Variants in TMTC2 observed in about 807,000 individuals in gnomAD.
The protein encoded by TMTC2 is protein O-mannosyl-transferase TMTC2.
A neutral mutation model predicts 82.4 loss-of-function variants in TMTC2; 43 were observed. The observed-to-expected ratio is 0.52, with a 90% confidence interval of 0.41 to 0.67. The LOEUF (loss-of-function observed/expected upper bound fraction) is 0.67. TMTC2 is among the 30% of genes least tolerant of loss of function. The probability of loss-of-function intolerance (pLI) is 0.00; values close to 1 mark genes in which losing one functional copy is unlikely to be tolerated. For synonymous variants in TMTC2, 408 were observed against 381.9 expected (o/e 1.07, Z -0.80); for missense variants, 919 against 1,012.4 (o/e 0.91, Z 1.25).
At chr12:83,030,099 T>C (rs1284994448) in intron 8 of TMTC2, among the ~76,000 whole-genome samples, 1 of 152,134 alleles carries the variant, frequency 6.6e-6, no homozygotes, top group Non-Finnish European at 1.5e-5. Context: ...GGCCTGTAAA[T>C]ATTTGGCCTG....
At chr12:82,886,391 A>C (rs1210072209) in intron 2 of TMTC2, among the ~76,000 whole-genome samples, 1 of 152,198 alleles carries the variant, frequency 6.6e-6, no homozygotes, top group African/African-American at 2.4e-5. Flanking sequence ...AGTATGATTA[A>C]ATGAGAGACT....
intron 1 of TMTC2, among the ~76,000 whole-genome samples, chr12:82,847,224 A>G (rs909164239): frequency 1.3e-5 from 2 of 152,208 alleles, no homozygotes; most frequent in African/African-American, 4.8e-5. Flanking sequence ...AATGAGTGCC[A>G]AAGACATGTG....
chr12:83,063,898 G>A (rs555875922), intron 11 of TMTC2, among the ~76,000 whole-genome samples: 4 of 151,950 alleles, frequency 2.6e-5, no homozygotes, highest in East Asian at 1.9e-4. Context: ...AGCAGGGAAC[G>A]GGGTGGCATG....
intron 11 of TMTC2, among the ~76,000 whole-genome samples, chr12:83,095,651 C>T (rs1250064158): frequency 6.6e-6 from 1 of 152,110 alleles, no homozygotes; most frequent in East Asian, 1.9e-4. Context: ...AATTAATAAA[C>T]TGTAGCTTTA....
At chr12:82,871,271 C>T (rs376691363) in intron 2 of TMTC2, among the ~76,000 whole-genome samples, 1 of 152,158 alleles carries the variant, frequency 6.6e-6, no homozygotes, top group East Asian at 1.9e-4. Flanking sequence ...TCTCAAATAT[C>T]TGACTCCAAA....
chr12:82,892,535 C>T (rs1873447422), intron 2 of TMTC2, among the ~76,000 whole-genome samples: 1 of 152,088 alleles, frequency 6.6e-6, no homozygotes. Context: ...ACATTTCTGT[C>T]TTTAGAAATA....
At chr12:83,093,488 G>T (rs950029365) in intron 11 of TMTC2, among the ~76,000 whole-genome samples, 16 of 152,092 alleles carry the variant, frequency 1.1e-4, no homozygotes, top group African/African-American at 3.4e-4. Context: ...TACAAAATAG[G>T]CAATAAAAGG....
rs552532688 is a variant in TMTC2, at chr12:82,774,534, T to G, written c.84-82476T>G. On this transcript the variant is annotated intron_variant, in intron 1 of 11. Transcript: ENST00000321196. ...TACTCGGGAGGCTGAGACAGGAGAG[T>G]TGCTTGAACTGGGGAGGTGGAGGTT... 2.0e-5 allele frequency among the ~76,000 whole-genome samples: 3 copies of G among 151,534 alleles called. No homozygotes were observed. In the East Asian group the frequency reaches 5.8e-4, roughly 29 times the overall value.
intron 2 of TMTC2, among the ~76,000 whole-genome samples, chr12:82,876,211 C>T (rs1427205872): frequency 2.2e-5 from 3 of 138,214 alleles, no homozygotes; most frequent in Non-Finnish European, 4.5e-5. Flanking sequence ...TGTTTACCTT[C>T]CAGGTGGATA....
chr12:82,701,624 GGA>G (rs1346723311), intron 1 of TMTC2, among the ~76,000 whole-genome samples: 1 of 150,440 alleles, frequency 6.6e-6, no homozygotes, highest in Non-Finnish European at 1.5e-5. Context: ...TTCTGGGTGT[GGA>G]GGTGCAAGCC....
chr12:82,701,091 A>G (rs909699691), intron 1 of TMTC2, among the ~76,000 whole-genome samples: 1 of 152,174 alleles, frequency 6.6e-6, no homozygotes, highest in Non-Finnish European at 1.5e-5. Flanking sequence ...GGGAGCTACA[A>G]TTCAAGATGA....
At chr12:83,110,787 C>A (rs1267216235) in intron 11 of TMTC2, among the ~76,000 whole-genome samples, 1 of 152,220 alleles carries the variant, frequency 6.6e-6, no homozygotes, top group African/African-American at 2.4e-5. Flanking sequence ...TCCTCTTTAA[C>A]CCACTTCACA....
chr12:83,077,008 T>C (rs184538806), intron 11 of TMTC2, among the ~76,000 whole-genome samples: 8 of 152,324 alleles, frequency 5.3e-5, no homozygotes, highest in African/African-American at 1.7e-4. Context: ...TCTAAGACTT[T>C]TTAAATGGAA....
chr12:83,098,715 C>G (rs541962071), intron 11 of TMTC2, among the ~76,000 whole-genome samples: 48 of 152,320 alleles, frequency 3.2e-4, no homozygotes, highest in African/African-American at 1.0e-3. Flanking sequence ...GACCCGACCC[C>G]CACCTTCATG....
intron 4 of TMTC2, among the ~76,000 whole-genome samples, chr12:82,954,947 A>C: frequency 6.6e-6 from 1 of 152,196 alleles, no homozygotes; most frequent in East Asian, 1.9e-4. Context: ...CTTTTTAATG[A>C]AAAATAATGT....
intron 3 of TMTC2, among the ~76,000 whole-genome samples, chr12:82,903,524 G>T (rs994898276): frequency 6.6e-6 from 1 of 152,136 alleles, no homozygotes; most frequent in Non-Finnish European, 1.5e-5. Flanking sequence ...CCATTCTCCT[G>T]CCTCAGCCTC....
At chr12:82,689,518 C>T (rs1006497477) in intron 1 of TMTC2, among the ~76,000 whole-genome samples, 8 of 152,054 alleles carry the variant, frequency 5.3e-5, no homozygotes, top group South Asian at 2.1e-4. Context: ...TATTGTATGC[C>T]CTTGTTCATT....
intron 3 of TMTC2, among the ~76,000 whole-genome samples, chr12:82,914,297 A>AT (rs35643144): frequency 0.068 from 10,285 of 152,132 alleles, 412 homozygotes; most frequent in African/African-American, 0.089. Flanking sequence ...TTTTATTTGC[A>AT]TTTTTTACTC....
At chr12:82,730,625 A>T (rs1565725798) in intron 1 of TMTC2, among the ~76,000 whole-genome samples, 1 of 152,208 alleles carries the variant, frequency 6.6e-6, no homozygotes, top group Non-Finnish European at 1.5e-5. Context: ...TGTGTATCAC[A>T]TATTTTTATT....
Sources: gnomAD v4.1 joint callset for allele counts (sites outside exome capture counted in the v4.1 genomes callset) on GRCh38, gnomAD v4.1.1 for gene constraint, MANE v1.5 for transcripts, NCBI Gene and HGNC (gene_info 2026-07-23, HGNC 2026-07-21) for gene names.